MUC5B: variants seen among roughly 807,000 people sequenced by gnomAD.
MUC5B encodes the protein mucin-5B.
A neutral mutation model predicts 376.9 loss-of-function variants in MUC5B; 116 were observed. The ratio of observed to expected loss-of-function variants is 0.31; its 90% CI spans 0.26 to 0.36. The LOEUF is 0.36. MUC5B is among the 10% of genes least tolerant of loss of function. MUC5B has a pLI of 1.00. For synonymous variants in MUC5B, 3,517 were observed against 3,390.9 expected (o/e 1.04, Z -1.29); for missense variants, 7,165 against 7,769.9 (o/e 0.92, Z 2.93).
chr11:1,242,388 C>T lies in MUC5B; in HGVS notation c.5508C>T (p.Pro1836=), dbSNP rs752386600. Residue 1836 remains proline, a synonymous_variant, in exon 31 of 49, where the codon CCC becomes CCT. Transcript: ENST00000529681. ...KSIECRAENY[P]EVSIDQVGQV... Reference sequence around the variant, plus strand: ...TAGAGTGCCGGGCGGAGAACTACCCCGAGGTAAGCATCGACCAGGTCGGGC... The same window carrying T: ...TAGAGTGCCGGGCGGAGAACTACCCTGAGGTAAGCATCGACCAGGTCGGGC... 2.7e-5 allele frequency: 44 copies of T among 1,613,900 alleles called. No individual in the cohort carries two copies. Among genetic ancestry groups the T allele is most frequent in the East Asian group, 1.8e-4 (8 of 44,894 alleles).
chr11:1,259,993 G>A lies in MUC5B; in HGVS notation c.16831G>A (p.Asp5611Asn). The A allele has an allele frequency of 6.2e-7, 1 of 1,612,962 alleles. No homozygotes were observed. ...TGAAACCTGGGTCAACAGCCATGTG[G>A]ACAACTGCACCGTGTACCTCTGTGA... The part of the protein sequence containing the change: ...LNETWVNSHV[D>N]NCTVYLCEAE... The change falls in exon 46 of 49, where the codon GAC (aspartate) becomes AAC (asparagine). Residue 5611 changes from aspartate to asparagine, a missense_variant. This residue lies in a region of MUC5B where 842 missense variants were observed against 1,016.9 expected (regional missense o/e 0.83). Coordinates refer to ENST00000529681, the MANE Select transcript of MUC5B (RefSeq NM_002458.3).
At position 1,255,106 on chromosome 11, in the gene MUC5B, A is replaced by T; in HGVS notation, c.15730A>T (p.Lys5244Ter). The T allele has an allele frequency of 6.3e-7, 1 of 1,589,730 alleles. No individual in the cohort carries two copies. Among genetic ancestry groups the T allele is most frequent in the Non-Finnish European group, 8.6e-7 (1 of 1,169,284 alleles). The change falls in exon 36 of 49, where the codon AAG becomes TAG. Residue 5244 changes from lysine to a stop codon, truncating the protein, a stop_gained. Coordinates refer to ENST00000529681, the MANE Select transcript of MUC5B (RefSeq NM_002458.3). LOFTEE classifies it high-confidence loss of function. ...GGACGGAACCACTGCCGCCAGTTGCAAGGACATGGCCAAGACGTGGCTGGT... is the reference window on the plus strand; with the variant it reads ...GGACGGAACCACTGCCGCCAGTTGCTAGGACATGGCCAAGACGTGGCTGGT... ...QRDGTTAASC[K>*]DMAKTWLVPD...
rs1386168070 is a variant in MUC5B, at chr11:1,234,721, G to A, written c.2630+41G>A. The A allele has an allele frequency of 1.9e-5, 22 of 1,130,910 alleles. No individual in the cohort carries two copies. The highest frequency in any genetic ancestry group is 8.1e-5 in the East Asian group (3 of 37,076). The allele number at this position is 1,130,910 out of a possible 1,614,324, so 70.1% of individuals were successfully genotyped here. ...CTCGGAGGCAGCAGGTGGGGAGGGC[G>A]GGGGCGGGGAGGGCAGCGGGTGGGG... On this transcript the variant is annotated intron_variant, in intron 21 of 48. Coordinates refer to ENST00000529681, the MANE Select transcript of MUC5B (RefSeq NM_002458.3). This position sits in a 1 kb window ranked among gnomAD's most constrained non-coding sequence, Gnocchi z 6.3.
At chr11:1,238,305 A>G (rs1207676149) in intron 25 of MUC5B, among the ~76,000 whole-genome samples, 2 of 152,180 alleles carry the variant, frequency 1.3e-5, no homozygotes, top group Non-Finnish European at 2.9e-5. Flanking sequence ...TGATCAGGGG[A>G]CGAGGCTGAC....
chr11:1,226,502 C>G, intron 3 of MUC5B, 113 bp from the exon 4 acceptor site: 1 of 1,422,222 alleles, frequency 7.0e-7, no homozygotes, highest in African/African-American at 1.4e-5. Context: ...CAGGGCACAG[C>G]CAGCAGCCGA....
rs199749553 is a variant in MUC5B at position 1,244,192 on chromosome 11, G to A, written c.7312G>A (p.Glu2438Lys). Residue 2438 changes from glutamate to lysine, a missense_variant, in exon 31 of 49, where the codon GAG becomes AAG. By Grantham distance (56) the Glu-to-Lys change is moderately conservative (BLOSUM62 1). Transcript: ENST00000529681. ...STPGTTWILT[E>K]LTTTATTTES... Reference sequence around the variant, plus strand: ...TCCGGGGACGACCTGGATCCTCACAGAGCTGACCACAACAGCCACTACGAC... The same window carrying A: ...TCCGGGGACGACCTGGATCCTCACAAAGCTGACCACAACAGCCACTACGAC... 252,175 of 1,588,590 alleles carry A rather than the reference G, an allele frequency of 0.16. 23,990 individuals carry two copies. The highest frequency in any genetic ancestry group is 0.18 in the Non-Finnish European group (205,032 of 1,158,104).
chr11:1,260,717 C>T lies in MUC5B; in HGVS notation c.17058C>T (p.Pro5686=), dbSNP rs61734219. ...VNITFCEGSC[P]GASKYSAEAQ... is the part of the protein sequence containing the mutation. ...TCACCTTCTGCGAGGGCTCCTGCCC[C>T]GGAGCGTCCAAGTGAGTGGGCTCCT... Residue 5686 remains proline, a synonymous_variant, in exon 48 of 49, where the codon CCC becomes CCT. Transcript: ENST00000529681. The T allele has an allele frequency of 1.1e-4, 180 of 1,610,014 alleles. No individual in the cohort carries two copies. Among genetic ancestry groups the T allele is most frequent in the Non-Finnish European group, 1.4e-4 (161 of 1,178,548 alleles).
chr11:1,245,363 C>T lies in MUC5B; in HGVS notation c.8483C>T (p.Thr2828Ile). ...GAGTCACCCCCTTCTCCAGGGACGA[C>T]CACCCCGGGCCACACCAGGGCCACC... ...TTESPPSPGT[T>I]TPGHTRATSR... Residue 2828 changes from threonine to isoleucine, a missense_variant, in exon 31 of 49, where the codon ACC (threonine) becomes ATC (isoleucine). Physicochemically the swap from Thr to Ile is moderately conservative, Grantham distance 89. This residue lies in a region of MUC5B where 50 missense variants were observed against 66.4 expected (regional missense o/e 0.75). Transcript: ENST00000529681. 16 of 1,578,252 alleles carry T rather than the reference C, an allele frequency of 1.0e-5. No homozygotes were observed. Among genetic ancestry groups the T allele is most frequent in the Non-Finnish European group, 1.3e-5 (15 of 1,161,052 alleles).
In MUC5B at chr11:1,228,683, G is replaced by C; in HGVS notation, c.894G>C (p.Pro298=). ...ACCTGTGCCGCTGCCCCACCTGCCC[G>C]TGTGCCACCTTTGTGGAATACTCAC... The part of the protein sequence containing the change: ...AQDLCRCPTC[P]CATFVEYSRQ... Residue 298 remains proline (P), a synonymous_variant, in exon 8 of 49, where the codon CCG becomes CCC. Transcript: ENST00000529681. 1 of 1,534,474 alleles carries C rather than the reference G, an allele frequency of 6.5e-7. No homozygotes were observed. The highest frequency in any genetic ancestry group is 8.7e-7 in the Non-Finnish European group (1 of 1,146,288).
rs1397876924 is a variant in MUC5B, at chr11:1,241,875, C to T, written c.4995C>T (p.Thr1665=). Residue 1665 remains threonine, a synonymous_variant, in exon 31 of 49, where the codon ACC becomes ACT. Transcript: ENST00000529681. ...EGLTSPRYTS[T]LGTATTGGPT... is the part of the protein sequence containing the mutation. The stretch of plus-strand genomic sequence containing the variant: ...TGACATCCCCCAGATACACAAGCAC[C>T]CTTGGTACAGCCACCACGGGAGGCC... 2.5e-6 allele frequency: 4 copies of T among 1,613,002 alleles called. No individual in the cohort carries two copies. The highest frequency in any genetic ancestry group is 3.4e-6 in the Non-Finnish European group (4 of 1,179,632).
chr11:1,238,009 G>T (rs1026784809), intron 25 of MUC5B, among the ~76,000 whole-genome samples: 2 of 152,228 alleles, frequency 1.3e-5, no homozygotes, highest in African/African-American at 4.8e-5. Flanking sequence ...ATACTCGCTC[G>T]TGGGAGGCCC....
Position 1,235,229 on chromosome 11 carries a change from C to T in MUC5B, c.2769+6C>T. 1.2e-6 allele frequency: 2 copies of T among 1,612,458 alleles called. No homozygotes were observed. Among genetic ancestry groups the T allele is most frequent in the Non-Finnish European group, 1.7e-6 (2 of 1,179,322 alleles). ...GCGAGTACATCTTGGCCCAGGTACG[C>T]CGCCCCCTCGCCCACTCCTGCAGGC... On this transcript the variant is annotated splice_donor_region_variant and intron_variant, in intron 22 of 48. Coordinates refer to ENST00000529681, the MANE Select transcript of MUC5B (RefSeq NM_002458.3).
At position 1,250,283 on chromosome 11, in the gene MUC5B, C is replaced by T. The variant is rs1270611289; in HGVS notation, c.13403C>T (p.Thr4468Ile). ...ACGGTGCCCACCGGATCCACGGCCA[C>T]CGCCTCCTCCACCCAGGCAACTGCT... ...TVTVPTGSTA[T>I]ASSTQATAGT... Residue 4468 changes from threonine to isoleucine, a missense_variant, in exon 31 of 49, where the codon ACC becomes ATC. Thr to Ile is a moderately conservative substitution (Grantham distance 89). Around this residue, in one of 31 missense-constraint regions of MUC5B, gnomAD observed 431 missense variants for 390.4 expected, o/e 1.10. Coordinates refer to ENST00000529681, the MANE Select transcript of MUC5B (RefSeq NM_002458.3). 6.2e-7 allele frequency: 1 copy of T among 1,613,134 alleles called. No individual in the cohort carries two copies. The highest frequency in any genetic ancestry group is 8.5e-7 in the Non-Finnish European group (1 of 1,179,624).
chr11:1,229,417 CAG>C, intron 9 of MUC5B, 122 bp downstream of exon 9: 2 of 1,233,228 alleles, frequency 1.6e-6, no homozygotes, highest in Non-Finnish European at 2.2e-6. Flanking sequence ...CCAGAGGGCC[CAG>C]GGTGGGAAGG....
intron 1 of MUC5B, 103 bp downstream of exon 1, chr11:1,223,296 C>A (rs1861801219): frequency 2.9e-6 from 2 of 697,748 alleles, no homozygotes; most frequent in Non-Finnish European, 5.2e-6. Flanking sequence ...ACGGGCAGAT[C>A]CCCCTACGAC....
At chr11:1,261,220 C>G (rs941199797) in intron 48 of MUC5B, among the ~76,000 whole-genome samples, 169 bp from the exon 49 acceptor site, 1 of 152,208 alleles carries the variant, frequency 6.6e-6, no homozygotes, top group Non-Finnish European at 1.5e-5. Flanking sequence ...GGGCCCAGAG[C>G]TGCCCCATCC....
chr11:1,241,168 G>C lies in MUC5B; in HGVS notation c.4288G>C (p.Val1430Leu). 6.2e-7 allele frequency: 1 copy of C among 1,601,608 alleles called. No homozygotes were observed. Among genetic ancestry groups the C allele is most frequent in the Non-Finnish European group, 8.5e-7 (1 of 1,174,404 alleles). Reference sequence around the variant, plus strand: ...GCTGCGGGTTCTCTGCTGCGAATACGTGCCCTGTGGCCCCTCCCCGGCCCC... The same window carrying C: ...GCTGCGGGTTCTCTGCTGCGAATACCTGCCCTGTGGCCCCTCCCCGGCCCC... ...YELRVLCCEY[V>L]PCGPSPAPGT... The change falls in exon 31 of 49, where the codon GTG (valine) becomes CTG (leucine). Residue 1430 changes from valine to leucine, a missense_variant. This residue lies in a region of MUC5B where 517 missense variants were observed against 545.3 expected (regional missense o/e 0.95). Transcript: ENST00000529681.
At position 1,250,265 on chromosome 11, in the gene MUC5B, C is replaced by T. The variant is rs1215360276; in HGVS notation, c.13385C>T (p.Pro4462Leu). 1 of 1,612,584 alleles carries T rather than the reference C, an allele frequency of 6.2e-7. No individual in the cohort carries two copies. The highest frequency in any genetic ancestry group is 8.5e-7 in the Non-Finnish European group (1 of 1,179,366). The change falls in exon 31 of 49, where the codon CCC becomes CTC. Residue 4462 changes from proline (P) to leucine (L), a missense_variant. Transcript: ENST00000529681. ...EPSTTATVTV[P>L]TGSTATASST... is the part of the protein sequence containing the mutation. ...AGCACTACAGCCACCGTGACGGTGC[C>T]CACCGGATCCACGGCCACCGCCTCC...
intron 32 of MUC5B, 38 bp from the exon 33 acceptor site, chr11:1,252,771 G>A: frequency 3.2e-6 from 5 of 1,564,392 alleles, no homozygotes; most frequent in Non-Finnish European, 4.3e-6. Flanking sequence ...GGTCCCGTGA[G>A]CTGGTCCAGG....
Sources: gnomAD v4.1 joint callset for allele counts (sites outside exome capture counted in the v4.1 genomes callset) on GRCh38, gnomAD v4.1.1 for gene constraint, gnomAD v4.1.1 regional missense constraint, Gnocchi (gnomAD v3.1) non-coding constraint, MANE v1.5 for transcripts, NCBI Gene and HGNC (gene_info 2026-07-23, HGNC 2026-07-21) for gene names.